Variants in TIMD4 observed in about 807,000 individuals in gnomAD.
TIMD4 encodes the protein T-cell immunoglobulin and mucin domain-containing protein 4.
Under a neutral mutation model 41.2 loss-of-function variants are expected in TIMD4, and 31 were observed. That is an observed-to-expected ratio of 0.75 (90% CI 0.57 to 1.01). The LOEUF (loss-of-function observed/expected upper bound fraction) is 1.01, where lower values mean the gene tolerates loss of function less well. TIMD4 is among the 50% of genes least tolerant of loss of function. The pLI, the probability that TIMD4 is intolerant of heterozygous loss-of-function variation, is 0.00. For missense variants in TIMD4, 479 were observed against 472.5 expected (o/e 1.01, Z -0.13); for synonymous variants, 204 against 177.1 (o/e 1.15, Z -1.21).
At chr5:156,928,086 A>T (rs1360809898) in intron 5 of TIMD4, among the ~76,000 whole-genome samples, 1 of 152,196 alleles carries the variant, frequency 6.6e-6, no homozygotes, top group East Asian at 1.9e-4. Flanking sequence ...TGGGCAGATC[A>T]AGAGGTCAAG....
chr5:156,950,285 T>A (rs530166140), intron 3 of TIMD4, among the ~76,000 whole-genome samples: 2 of 152,334 alleles, frequency 1.3e-5, no homozygotes, highest in South Asian at 4.1e-4. Flanking sequence ...TGGCTGTCTT[T>A]GTGCTTCTTT....
chr5:156,937,086 T>C (rs888789230), intron 5 of TIMD4, among the ~76,000 whole-genome samples: 3 of 152,198 alleles, frequency 2.0e-5, no homozygotes, highest in Admixed American at 6.5e-5. Flanking sequence ...CACTTTCACA[T>C]ACATTATCTC....
At chr5:156,961,541 G>A (rs1183077256) in intron 1 of TIMD4, among the ~76,000 whole-genome samples, 3 of 152,114 alleles carry the variant, frequency 2.0e-5, no homozygotes, top group South Asian at 2.1e-4. Context: ...GGTGACTCAC[G>A]CCTATAAGCC....
At chr5:156,923,785 A>G (rs1343145570) in intron 6 of TIMD4, among the ~76,000 whole-genome samples, 5 of 151,554 alleles carry the variant, frequency 3.3e-5, no homozygotes, top group Non-Finnish European at 7.4e-5. Flanking sequence ...GGCTCAAGCA[A>G]TCCTCCTGCC....
chr5:156,949,132 G>A (rs1002075996), intron 4 of TIMD4, among the ~76,000 whole-genome samples: 1 of 152,160 alleles, frequency 6.6e-6, no homozygotes, highest in Non-Finnish European at 1.5e-5. Flanking sequence ...TTATTTCAGG[G>A]TATACCCCGT....
chr5:156,926,303 G>A lies in TIMD4; in HGVS notation c.854C>T (p.Thr285Ile). ...VSSPQPGASD[T>I]AVPEQNKTTK... is the part of the protein sequence containing the mutation. ...TGTTTTGTTCTGCTCAGGAACTGCT[G>A]TATCAGATGCTGGGAAGGAAAAGAG... is the stretch of plus-strand genomic sequence containing the variant. Residue 285 changes from threonine (T) to isoleucine (I), a missense_variant, in exon 6 of 9, where the codon ACA (threonine) becomes ATA (isoleucine). By Grantham distance (89) the Thr-to-Ile change is moderately conservative. Coordinates refer to ENST00000274532, the MANE Select transcript of TIMD4 (RefSeq NM_138379.3). 3 of 1,613,620 alleles carry A rather than the reference G, an allele frequency of 1.9e-6. No homozygotes were observed. Among genetic ancestry groups the A allele is most frequent in the Non-Finnish European group, 2.5e-6 (3 of 1,179,698 alleles).
At chr5:156,942,302 T>C (rs1388031764) in intron 5 of TIMD4, among the ~76,000 whole-genome samples, 2 of 152,224 alleles carry the variant, frequency 1.3e-5, no homozygotes, top group Non-Finnish European at 2.9e-5. Context: ...GCTGCCCATC[T>C]GGGAACAAAG....
intron 5 of TIMD4, among the ~76,000 whole-genome samples, chr5:156,938,026 A>G (rs777287691): frequency 3.3e-5 from 5 of 152,152 alleles, no homozygotes; most frequent in Non-Finnish European, 5.9e-5. Flanking sequence ...CTGAACTTGC[A>G]CTGAGAATGG....
chr5:156,961,497 A>C (rs1000752393), intron 1 of TIMD4, among the ~76,000 whole-genome samples: 1 of 152,168 alleles, frequency 6.6e-6, no homozygotes, highest in Non-Finnish European at 1.5e-5. Context: ...CAATGGATGA[A>C]TGGATAAAGA....
At chr5:156,928,026 C>CCGG (rs1355361028) in intron 5 of TIMD4, among the ~76,000 whole-genome samples, 1 of 152,140 alleles carries the variant, frequency 6.6e-6, no homozygotes. Flanking sequence ...GAAATCTGGC[C>CCGG]CGGGCACAGT....
chr5:156,920,529 G>C (rs371126738), intron 7 of TIMD4, 26 bp from the exon 8 acceptor site: 1 of 1,613,228 alleles, frequency 6.2e-7, no homozygotes, highest in African/African-American at 1.3e-5. Context: ...CACAGTGTGA[G>C]CAGAGTGGCT....
At chr5:156,951,828 G>A (rs1035667281) in intron 2 of TIMD4, 38 bp from the exon 3 acceptor site, 1 of 1,610,088 alleles carries the variant, frequency 6.2e-7, no homozygotes, top group Middle Eastern at 1.7e-4. Flanking sequence ...ACCAAGCGGA[G>A]ATGGAGGAAA....
chr5:156,948,494 T>C lies in TIMD4; in HGVS notation c.766A>G (p.Lys256Glu), dbSNP rs1406691253. ...GATGTTGATGGGAGATCCCAAACTTTGGACTCTTTGGAAAAACAAAGGAAA... is the reference window on the plus strand; with the variant it reads ...GATGTTGATGGGAGATCCCAAACTTCGGACTCTTTGGAAAAACAAAGGAAA... ...DTVLLTSKES[K>E]VWDLPSTSHV... The change falls in exon 5 of 9, where the codon AAA becomes GAA. Residue 256 changes from lysine to glutamate, a missense_variant. By Grantham distance (56) the Lys-to-Glu change is moderately conservative. Coordinates refer to ENST00000274532, the MANE Select transcript of TIMD4 (RefSeq NM_138379.3). The C allele has an allele frequency of 1.3e-5, 20 of 1,542,318 alleles. No individual in the cohort carries two copies. The highest frequency in any genetic ancestry group is 1.7e-5 in the Non-Finnish European group (20 of 1,146,950).
At chr5:156,954,366 A>G in intron 2 of TIMD4, 49 bp downstream of exon 2, 1 of 1,544,924 alleles carries the variant, frequency 6.5e-7, no homozygotes, top group Non-Finnish European at 8.8e-7. Context: ...ATTGTCCATT[A>G]ACCACTGAAT....
chr5:156,940,856 C>A (rs1031543231), intron 5 of TIMD4, among the ~76,000 whole-genome samples: 4 of 152,186 alleles, frequency 2.6e-5, no homozygotes, highest in African/African-American at 4.8e-5. Context: ...ATGACGATGG[C>A]GGTTTTGTTG....
rs372075057 is a variant in TIMD4, at chr5:156,922,182, A to C, written c.929T>G (p.Met310Arg). The C allele has an allele frequency of 1.9e-6, 3 of 1,614,028 alleles. No homozygotes were observed. The highest frequency in any genetic ancestry group is 2.5e-6 in the Non-Finnish European group (3 of 1,179,938). ...GATCATCAGTAGTTGGGAGATGGGC[A>C]TTTCATTCTTCATTGACATGGGTAT... ...DGIPMSMKNE[M>R]PISQLLMIIA... Residue 310 changes from methionine (M) to arginine (R), a missense_variant, in exon 7 of 9, where the codon ATG (methionine) becomes AGG (arginine). Transcript: ENST00000274532.
At chr5:156,948,554 T>C in intron 4 of TIMD4, 55 bp from the exon 5 acceptor site, 1 of 1,289,600 alleles carries the variant, frequency 7.8e-7, no homozygotes, top group South Asian at 1.6e-5. Flanking sequence ...CTTGTCTTCC[T>C]GCTTTTGGTA....
At chr5:156,955,715 G>A (rs1759958954) in intron 1 of TIMD4, among the ~76,000 whole-genome samples, 1 of 151,920 alleles carries the variant, frequency 6.6e-6, no homozygotes, top group African/African-American at 2.4e-5. Context: ...GAGAAAGATA[G>A]GCTGTAAAAC....
intron 6 of TIMD4, 25 bp from the exon 7 acceptor site, chr5:156,922,241 G>A (rs762718576): frequency 1.6e-5 from 25 of 1,579,440 alleles, no homozygotes; most frequent in Admixed American, 1.3e-4. Flanking sequence ...GCAAGGAGAT[G>A]GACCCAGTCA....
Sources: allele counts gnomAD v4.1 joint callset (sites outside exome capture counted in the v4.1 genomes callset), GRCh38; gene constraint gnomAD v4.1.1; transcripts MANE v1.5; gene names NCBI Gene and HGNC (gene_info 2026-07-23, HGNC 2026-07-21).